Variants in FBXO8 observed in about 807,000 individuals in gnomAD.
FBXO8 encodes the protein F-box only protein 8.
Under a neutral mutation model 33.4 loss-of-function variants are expected in FBXO8, and 15 were observed. The ratio of observed to expected loss-of-function variants is 0.45; its 90% CI spans 0.30 to 0.69. FBXO8 has a LOEUF of 0.69. Ranked by LOEUF, FBXO8 falls within the 30% of genes least tolerant of loss-of-function variation. FBXO8 has a pLI of 0.08. For missense variants in FBXO8, 274 were observed against 380.3 expected, an observed-to-expected ratio of 0.72 and a Z score of 2.32; for synonymous variants, 132 against 131.5, an observed-to-expected ratio of 1.00 and a Z score of -0.02.
chr4:174,273,297 ATCAATAATGCCAATGTCAT>A, intron 1 of FBXO8, among the ~76,000 whole-genome samples: 1 of 147,746 alleles, frequency 6.8e-6, no homozygotes, highest in Non-Finnish European at 1.5e-5. Context: ...TAAAAAATAA[ATCAATAATGCCAATGTCAT>A]AAAAGTTAAA....
chr4:174,267,550 AAAAAATTAAAATT>A lies in FBXO8; in HGVS notation c.-8-4463_-8-4451del, dbSNP rs1454839347. Among the ~76,000 whole-genome samples, 2 of 152,174 alleles carry A rather than the reference AAAAAATTAAAATT, an allele frequency of 1.3e-5. No individual in the cohort carries two copies. The highest frequency in any genetic ancestry group is 6.5e-5 in the Admixed American group (1 of 15,274). Reference sequence around the variant, plus strand: ...TGACAGAGTGAGACCTTGCCTCTAAAAAAAATTAAAATTAAAAATTAAAAGAAAATAAACTGTC... The same window carrying A: ...TGACAGAGTGAGACCTTGCCTCTAAAAAAAATTAAAAGAAAATAAACTGTC... On this transcript the variant is annotated intron_variant, in intron 1 of 5. Transcript: ENST00000393674. The surrounding 1 kb of genome is among the most constrained non-coding windows in gnomAD (Gnocchi z 4.7).
chr4:174,259,944 GTTTAAAATT>G lies in FBXO8; in HGVS notation c.330-128_330-120del. ...TAAGATTGAATTTTATAGTTCTAAAGTTTAAAATTTTTAAGTTTGTACTTGTTTTCTATT... is the reference window on the plus strand; with the variant it reads ...TAAGATTGAATTTTATAGTTCTAAAGTTTAAGTTTGTACTTGTTTTCTATT... On this transcript the variant is annotated intron_variant, in intron 2 of 5. Coordinates refer to ENST00000393674, the MANE Select transcript of FBXO8 (RefSeq NM_012180.3). This position sits in a 1 kb window ranked among gnomAD's most constrained non-coding sequence, Gnocchi z 4.3. 8.8e-7 allele frequency: 1 copy of G among 1,133,348 alleles called. No homozygotes were observed. Among genetic ancestry groups the G allele is most frequent in the African/African-American group, 1.6e-5 (1 of 61,886 alleles). 70.2% of individuals were successfully genotyped at this position (1,133,348 alleles called of 1,614,324 possible).
rs190726061 is a variant in FBXO8, at chr4:174,274,591, A to T, written c.-9+8819T>A. On this transcript the variant is annotated intron_variant, in intron 1 of 5. Coordinates refer to ENST00000393674, the MANE Select transcript of FBXO8 (RefSeq NM_012180.3). The surrounding 1 kb of genome is among the most constrained non-coding windows in gnomAD (Gnocchi z 4.0). ...CGCACTAGTTTCAGTTAACATGGTA[A>T]AATGCAAAATGATGACTGTAAGTAC... 3.9e-5 allele frequency among the ~76,000 whole-genome samples: 6 copies of T among 152,346 alleles called. No homozygotes were observed. The highest frequency in any genetic ancestry group is 1.4e-4 in the African/African-American group (6 of 41,572).
At chr4:174,266,818 A>C (rs1736706799) in intron 1 of FBXO8, among the ~76,000 whole-genome samples, 1 of 152,208 alleles carries the variant, frequency 6.6e-6, no homozygotes, top group African/African-American at 2.4e-5. Flanking sequence ...TGTGTTAAGT[A>C]AGATAATGTA....
intron 5 of FBXO8, among the ~76,000 whole-genome samples, chr4:174,238,132 A>G (rs1735931005): frequency 6.6e-6 from 1 of 152,166 alleles, no homozygotes; most frequent in East Asian, 1.9e-4. Context: ...TCAAAAGATT[A>G]TTAATATTCT....
intron 3 of FBXO8, among the ~76,000 whole-genome samples, chr4:174,244,649 TA>T (rs1244533371): frequency 6.6e-6 from 1 of 151,708 alleles, no homozygotes; most frequent in Non-Finnish European, 1.5e-5. Flanking sequence ...GTGTTAGTAC[TA>T]TCATGGGCTG....
At chr4:174,238,772 TACACAC>T (rs10601617) in intron 5 of FBXO8, among the ~76,000 whole-genome samples, 3 of 145,942 alleles carry the variant, frequency 2.1e-5, no homozygotes, top group South Asian at 2.2e-4. Flanking sequence ...TATATATATA[TACACAC>T]ACACACACAC....
At chr4:174,239,973 C>T (rs930833175) in intron 4 of FBXO8, among the ~76,000 whole-genome samples, 1 of 151,604 alleles carries the variant, frequency 6.6e-6, no homozygotes, top group Non-Finnish European at 1.5e-5. Context: ...CGAACTACAG[C>T]TACTGGGCCA....
At position 174,277,189 on chromosome 4, in the gene FBXO8, T is replaced by C. The variant is rs1458445751; in HGVS notation, c.-9+6221A>G. Among the ~76,000 whole-genome samples the C allele has an allele frequency of 6.6e-6, 1 of 152,200 alleles. No homozygotes were observed. The highest frequency in any genetic ancestry group is 2.4e-5 in the African/African-American group (1 of 41,462). On this transcript the variant is annotated intron_variant, in intron 1 of 5. Transcript: ENST00000393674. This position sits in a 1 kb window ranked among gnomAD's most constrained non-coding sequence, Gnocchi z 4.9. ...TAATAGTTTTCTATACTTTTTAACT[T>C]CTAGAAGATCGTTACATTTCTAAGA...
In FBXO8 at chr4:174,259,811, G is replaced by C. The variant is rs368306522; in HGVS notation, c.344C>G (p.Thr115Ser). The C allele has an allele frequency of 8.8e-6, 14 of 1,592,330 alleles. No homozygotes were observed. Among genetic ancestry groups the C allele is most frequent in the Non-Finnish European group, 1.2e-5 (14 of 1,174,328 alleles). ...ELLWQGLCKSTWGHCSIYNKN... is the reference protein window; with the variant it reads ...ELLWQGLCKSSWGHCSIYNKN... ...ATTGTATATGGAACAGTGACCCCAA[G>C]TGGATTTGCACAACCTATAAAATCA... The change falls in exon 3 of 6, where the codon ACT (threonine) becomes AGT (serine). Residue 115 changes from threonine (T) to serine (S), a missense_variant. Thr to Ser is a moderately conservative substitution (Grantham distance 58). Coordinates refer to ENST00000393674, the MANE Select transcript of FBXO8 (RefSeq NM_012180.3). This position sits in a 1 kb window ranked among gnomAD's most constrained non-coding sequence, Gnocchi z 4.3.
rs756010081 is a variant in FBXO8, at chr4:174,241,233, C to G, written c.457-15G>C. 6.8e-5 allele frequency: 99 copies of G among 1,463,372 alleles called. No homozygotes were observed. Among genetic ancestry groups the G allele is most frequent in the Non-Finnish European group, 8.8e-5 (93 of 1,055,824 alleles). The allele number at this position is 1,463,372 out of a possible 1,614,324, so 90.6% of individuals were successfully genotyped here. On this transcript the variant is annotated splice_polypyrimidine_tract_variant and intron_variant, in intron 3 of 5. Coordinates refer to ENST00000393674, the MANE Select transcript of FBXO8 (RefSeq NM_012180.3). This position sits in a 1 kb window ranked among gnomAD's most constrained non-coding sequence, Gnocchi z 4.2. ...TAGTTCACTCCCTAAGGCAGAAAGA[C>G]AAGTCTACATAAATAAAATTGCTCT...
chr4:174,276,112 A>C (rs1736955308), intron 1 of FBXO8, among the ~76,000 whole-genome samples: 1 of 152,238 alleles, frequency 6.6e-6, no homozygotes, highest in Admixed American at 6.5e-5. Context: ...ATTAAAATAC[A>C]TTAAAATTGG....
rs536447081 is a variant in FBXO8, at chr4:174,270,538, G to C, written c.-8-7438C>G. 6.6e-6 allele frequency among the ~76,000 whole-genome samples: 1 copy of C among 151,924 alleles called. No individual in the cohort carries two copies. The highest frequency in any genetic ancestry group is 2.1e-4 in the South Asian group (1 of 4,818). On this transcript the variant is annotated intron_variant, in intron 1 of 5. Coordinates refer to ENST00000393674, the MANE Select transcript of FBXO8 (RefSeq NM_012180.3). This position sits in a 1 kb window ranked among gnomAD's most constrained non-coding sequence, Gnocchi z 4.6. The stretch of plus-strand genomic sequence containing the variant: ...ATATGGTGTTTTTCTTTCTACAAAA[G>C]CTCTTTTGGTATTACATAGCTTAAA...
chr4:174,268,979 T>A (rs1379898427), intron 1 of FBXO8: 2 of 152,138 alleles, frequency 1.3e-5, no homozygotes, highest in Non-Finnish European at 2.9e-5. Context: ...TGTTAGTGAG[T>A]AGGTAAATTC....
intron 5 of FBXO8, among the ~76,000 whole-genome samples, chr4:174,238,324 A>T (rs543221212): frequency 1.4e-4 from 21 of 152,074 alleles, no homozygotes; most frequent in African/African-American, 4.6e-4. Flanking sequence ...TATAGTGCTG[A>T]TATTTCGGAA....
At position 174,273,450 on chromosome 4, in the gene FBXO8, T is replaced by C. The variant is rs373686061; in HGVS notation, c.-9+9960A>G. Among the ~76,000 whole-genome samples the C allele has an allele frequency of 7.2e-5, 11 of 152,126 alleles. No individual in the cohort carries two copies. The East Asian group carries it at 1.3e-3, about 19-fold the overall frequency. ...TGGAAAAAAATTGCTATGTCGCACA[T>C]TATTGAGATAAATAAGAAACTAGAT... On this transcript the variant is annotated intron_variant, in intron 1 of 5. Transcript: ENST00000393674.
At chr4:174,273,545 T>C (rs1380284358) in intron 1 of FBXO8, among the ~76,000 whole-genome samples, 1 of 152,172 alleles carries the variant, frequency 6.6e-6, no homozygotes, top group Non-Finnish European at 1.5e-5. Flanking sequence ...ACTTGATAAC[T>C]GTGAAATGGC....
chr4:174,271,789 T>C (rs528108889), intron 1 of FBXO8, among the ~76,000 whole-genome samples: 1 of 152,228 alleles, frequency 6.6e-6, no homozygotes, highest in Non-Finnish European at 1.5e-5. Context: ...CTGAAACACT[T>C]GCATAGCAAT....
intron 3 of FBXO8, among the ~76,000 whole-genome samples, chr4:174,246,190 G>C (rs972470156): frequency 6.6e-6 from 1 of 151,944 alleles, no homozygotes; most frequent in Non-Finnish European, 1.5e-5. Flanking sequence ...TATGCAGTAT[G>C]ATGGAAAGAG....
Sources: allele counts gnomAD v4.1 joint callset (sites outside exome capture counted in the v4.1 genomes callset), GRCh38; gene constraint gnomAD v4.1.1; non-coding constraint Gnocchi (gnomAD v3.1); transcripts MANE v1.5; gene names NCBI Gene and HGNC (gene_info 2026-07-23, HGNC 2026-07-21).